Variants in PRKG1 observed in about 807,000 individuals in gnomAD.
PRKG1 encodes the protein protein kinase cGMP-dependent 1.
In PRKG1, 35 loss-of-function variants were observed where a neutral mutation model predicts 88.1. The observed-to-expected ratio is 0.40, with a 90% CI of 0.30 to 0.53. The LOEUF is 0.53. PRKG1 is among the 20% of genes least tolerant of loss of function. PRKG1 has a pLI of 0.59. For missense variants in PRKG1, 540 were observed against 839.8 expected (o/e 0.64, Z 4.41); for synonymous variants, 303 against 292.5 (o/e 1.04, Z -0.37).
intron 3 of PRKG1, among the ~76,000 whole-genome samples, chr10:51,690,956 T>C (rs1055019839): frequency 6.8e-6 from 1 of 148,094 alleles, no homozygotes; most frequent in African/African-American, 2.5e-5. Context: ...AAAAAAGAAT[T>C]ACGTTCCATT....
intron 3 of PRKG1, among the ~76,000 whole-genome samples, chr10:51,578,614 G>A (rs1837947280): frequency 1.3e-5 from 2 of 152,106 alleles, no homozygotes; most frequent in Admixed American, 6.6e-5. Context: ...GAAGGCTGAT[G>A]CTTTCAAATA....
intron 2 of PRKG1, among the ~76,000 whole-genome samples, chr10:51,443,828 T>C (rs1839191591): frequency 1.3e-5 from 2 of 152,002 alleles, no homozygotes; most frequent in Admixed American, 1.3e-4. Context: ...TACTTACAAA[T>C]CTGTAGTGTG....
chr10:51,799,469 G>A (rs1839107783), intron 3 of PRKG1, among the ~76,000 whole-genome samples: 1 of 151,878 alleles, frequency 6.6e-6, no homozygotes, highest in Non-Finnish European at 1.5e-5. Context: ...CACTTGTGGT[G>A]GTAGTTGTGG....
chr10:51,045,483 C>T (rs1403910165), intron 1 of PRKG1, among the ~76,000 whole-genome samples: 1 of 152,042 alleles, frequency 6.6e-6, no homozygotes, highest in Admixed American at 6.6e-5. Flanking sequence ...CCACCACACC[C>T]AGCTAATTCT....
chr10:51,974,239 G>C (rs762110562), intron 5 of PRKG1, among the ~76,000 whole-genome samples: 2 of 152,170 alleles, frequency 1.3e-5, no homozygotes, highest in Admixed American at 6.5e-5. Context: ...ACAGCATTAG[G>C]GTTCTGTTAG....
intron 4 of PRKG1, among the ~76,000 whole-genome samples, chr10:51,846,451 T>C (rs1364391123): frequency 6.6e-6 from 1 of 152,076 alleles, no homozygotes; most frequent in Non-Finnish European, 1.5e-5. Flanking sequence ...ATCAAAGAAA[T>C]AAAAGAAAAT....
intron 5 of PRKG1, among the ~76,000 whole-genome samples, chr10:52,037,061 GAGTC>G (rs1445802634): frequency 6.6e-6 from 1 of 152,288 alleles, no homozygotes; most frequent in Non-Finnish European, 1.5e-5. Flanking sequence ...ATCTGGGAAG[GAGTC>G]AGTCAGCCTT....
chr10:51,277,006 T>C (rs992563027), intron 2 of PRKG1, among the ~76,000 whole-genome samples: 1 of 152,222 alleles, frequency 6.6e-6, no homozygotes, highest in Non-Finnish European at 1.5e-5. Flanking sequence ...TTGCCATTGC[T>C]TTTGGTGTTT....
chr10:52,006,883 T>C (rs2454534), intron 5 of PRKG1, among the ~76,000 whole-genome samples: 106,254 of 151,910 alleles, frequency 0.7, 37,260 homozygotes, highest in East Asian at 0.92. Context: ...AGAGAAGGGG[T>C]GGATCACCTA....
chr10:51,433,362 G>T (rs1418894593), intron 2 of PRKG1, among the ~76,000 whole-genome samples: 1 of 152,086 alleles, frequency 6.6e-6, no homozygotes, highest in East Asian at 1.9e-4. Context: ...CATCCTGGTT[G>T]CCCCATGTTG....
At chr10:51,271,812 T>C (rs1340306078) in intron 2 of PRKG1, among the ~76,000 whole-genome samples, 1 of 152,228 alleles carries the variant, frequency 6.6e-6, no homozygotes, top group African/African-American at 2.4e-5. Context: ...TTATCCAGTC[T>C]ATCACTGATG....
chr10:51,220,621 A>T (rs1488465719), intron 2 of PRKG1, among the ~76,000 whole-genome samples: 1 of 152,178 alleles, frequency 6.6e-6, no homozygotes, highest in Non-Finnish European at 1.5e-5. Context: ...TAGTATCTGG[A>T]TCAACAGCAT....
intron 3 of PRKG1, among the ~76,000 whole-genome samples, chr10:51,802,708 G>A (rs11813335): frequency 0.64 from 97,396 of 151,904 alleles, 31,424 homozygotes; most frequent in Middle Eastern, 0.73. Context: ...ATACAGACCT[G>A]GGAGAGAGAT....
chr10:51,288,048 T>G (rs1840486724), intron 2 of PRKG1, among the ~76,000 whole-genome samples: 1 of 152,070 alleles, frequency 6.6e-6, no homozygotes, highest in Admixed American at 6.5e-5. Flanking sequence ...TCTTCATCTG[T>G]TCTTTTTTAT....
chr10:51,258,078 G>A (rs1221508948), intron 2 of PRKG1, among the ~76,000 whole-genome samples: 1 of 152,136 alleles, frequency 6.6e-6, no homozygotes, highest in Non-Finnish European at 1.5e-5. Context: ...CCACAGGGAA[G>A]GCTTATGGAT....
chr10:52,215,009 T>C (rs1840073679), intron 9 of PRKG1, among the ~76,000 whole-genome samples: 1 of 148,824 alleles, frequency 6.7e-6, no homozygotes, highest in Non-Finnish European at 1.5e-5. Flanking sequence ...CATGATTTTT[T>C]ATGTTAAAAT....
intron 1 of PRKG1, among the ~76,000 whole-genome samples, chr10:51,131,521 C>T (rs188172956): frequency 5.9e-5 from 9 of 152,170 alleles, no homozygotes; most frequent in East Asian, 5.8e-4. Flanking sequence ...CAGAGGTGGG[C>T]GGATCACCTG....
intron 1 of PRKG1, among the ~76,000 whole-genome samples, chr10:51,139,858 A>G (rs1845781710): frequency 6.6e-6 from 1 of 152,208 alleles, no homozygotes; most frequent in Non-Finnish European, 1.5e-5. Flanking sequence ...TTTACAATAT[A>G]GATTATACCA....
At chr10:51,787,081 A>G (rs529522804) in intron 3 of PRKG1, among the ~76,000 whole-genome samples, 1 of 152,324 alleles carries the variant, frequency 6.6e-6, no homozygotes, top group Non-Finnish European at 1.5e-5. Context: ...AAGGACTTAC[A>G]GAAGATGAGC....
Sources: allele counts gnomAD v4.1 joint callset (sites outside exome capture counted in the v4.1 genomes callset), GRCh38; gene constraint gnomAD v4.1.1; transcripts MANE v1.5; gene names NCBI Gene and HGNC (gene_info 2026-07-23, HGNC 2026-07-21).